Variants in ST6GALNAC3 observed in about 807,000 individuals in gnomAD.
ST6GALNAC3 encodes ST6 N-acetylgalactosaminide alpha-2,6-sialyltransferase 3.
A neutral mutation model predicts 32.7 loss-of-function variants in ST6GALNAC3; 25 were observed. The observed-to-expected ratio is 0.76, with a 90% CI of 0.56 to 1.07. ST6GALNAC3 has a LOEUF of 1.07. Ranked by LOEUF, ST6GALNAC3 falls within the 50% of genes least tolerant of loss-of-function variation. The pLI is 0.00. For synonymous variants in ST6GALNAC3, 129 were observed against 133.1 expected (o/e 0.97, Z 0.21); for missense variants, 355 against 382.4 (o/e 0.93, Z 0.60).
At chr1:76,579,244 A>G (rs767963751) in intron 3 of ST6GALNAC3, among the ~76,000 whole-genome samples, 60 of 152,192 alleles carry the variant, frequency 3.9e-4, no homozygotes, top group Non-Finnish European at 6.8e-4. Flanking sequence ...ACCTCTATGC[A>G]TCGATCACCA....
intron 3 of ST6GALNAC3, among the ~76,000 whole-genome samples, chr1:76,528,678 C>T (rs929095228): frequency 1.3e-5 from 2 of 151,710 alleles, no homozygotes; most frequent in Non-Finnish European, 2.9e-5. Context: ...GTACTGTTCT[C>T]TCTCCACATT....
chr1:76,555,994 T>G (rs1664897758), intron 3 of ST6GALNAC3, among the ~76,000 whole-genome samples: 1 of 152,032 alleles, frequency 6.6e-6, no homozygotes, highest in Non-Finnish European at 1.5e-5. Flanking sequence ...TTTTTATCAC[T>G]TCAAAAGGGA....
At chr1:76,246,686 T>G (rs1388460862) in intron 1 of ST6GALNAC3, among the ~76,000 whole-genome samples, 3 of 152,192 alleles carry the variant, frequency 2.0e-5, no homozygotes, top group Non-Finnish European at 4.4e-5. Context: ...AAACTGGTTA[T>G]TCTAGTTAAC....
Position 76,547,454 on chromosome 1 carries a change from A to G in ST6GALNAC3, c.624-79998A>G, listed in dbSNP as rs536331441. On this transcript the variant is annotated intron_variant, in intron 3 of 4. Coordinates refer to ENST00000328299, the MANE Select transcript of ST6GALNAC3 (RefSeq NM_152996.4). ...GTTGACTAGGCTCTGGTTAAATCCC[A>G]GTATTGCAATTTACTTTATGTCAAA... 4.6e-5 allele frequency among the ~76,000 whole-genome samples: 7 copies of G among 152,332 alleles called. No individual in the cohort carries two copies. The East Asian group carries it at 7.7e-4, about 17-fold the overall frequency.
chr1:76,554,417 A>T (rs1049854443), intron 3 of ST6GALNAC3, among the ~76,000 whole-genome samples: 1 of 152,206 alleles, frequency 6.6e-6, no homozygotes, highest in Non-Finnish European at 1.5e-5. Context: ...GCTTCAAAAA[A>T]AACCCCTCAA....
chr1:76,565,840 G>C (rs920510105), intron 3 of ST6GALNAC3, among the ~76,000 whole-genome samples: 1 of 152,150 alleles, frequency 6.6e-6, no homozygotes, highest in African/African-American at 2.4e-5. Context: ...AACAATGTAG[G>C]GGTGAGCACA....
intron 1 of ST6GALNAC3, among the ~76,000 whole-genome samples, chr1:76,103,748 C>T (rs2100782025): frequency 6.6e-6 from 1 of 152,264 alleles, no homozygotes; most frequent in African/African-American, 2.4e-5. Flanking sequence ...TTGTAGCTAT[C>T]TCTCTGTCCC....
At chr1:76,112,914 C>T (rs1195957688) in intron 1 of ST6GALNAC3, among the ~76,000 whole-genome samples, 3 of 152,070 alleles carry the variant, frequency 2.0e-5, no homozygotes, top group African/African-American at 7.2e-5. Context: ...GGCAGAGATG[C>T]TCCTCACTTC....
At chr1:76,608,597 ATGTGTGTGTGTGTGTG>A (rs60960904) in intron 3 of ST6GALNAC3, among the ~76,000 whole-genome samples, 15,297 of 135,228 alleles carry the variant, frequency 0.11, 958 homozygotes, top group African/African-American at 0.18. Flanking sequence ...TGAGCTGGAA[ATGTGTGTGTGTGTGTG>A]TGTGTGTGTG....
chr1:76,314,989 C>A (rs1468996546), intron 2 of ST6GALNAC3, among the ~76,000 whole-genome samples: 1 of 152,142 alleles, frequency 6.6e-6, no homozygotes, highest in East Asian at 1.9e-4. Context: ...TGTAGTCAAT[C>A]TCATATCTGA....
At chr1:76,149,593 A>G (rs1282248132) in intron 1 of ST6GALNAC3, among the ~76,000 whole-genome samples, 2 of 152,254 alleles carry the variant, frequency 1.3e-5, no homozygotes, top group Non-Finnish European at 2.9e-5. Flanking sequence ...ATCAGCTCAC[A>G]TAGCTGTCCC....
chr1:76,580,849 G>A (rs1646882389), intron 3 of ST6GALNAC3, among the ~76,000 whole-genome samples: 1 of 151,916 alleles, frequency 6.6e-6, no homozygotes, highest in Non-Finnish European at 1.5e-5. Context: ...ATTTGGGAGA[G>A]GGGCTTCAAT....
At chr1:76,212,103 G>A (rs552174378) in intron 1 of ST6GALNAC3, among the ~76,000 whole-genome samples, 10 of 152,128 alleles carry the variant, frequency 6.6e-5, no homozygotes, top group African/African-American at 1.7e-4. Flanking sequence ...CAAAAACAAC[G>A]TTTAATTTAT....
At chr1:76,161,748 C>T (rs113215987) in intron 1 of ST6GALNAC3, among the ~76,000 whole-genome samples, 136 of 152,314 alleles carry the variant, frequency 8.9e-4, no homozygotes, top group Non-Finnish European at 1.4e-3. Flanking sequence ...CAACAATGAG[C>T]TACGTAATTG....
At chr1:76,278,455 T>C (rs926047315) in intron 1 of ST6GALNAC3, among the ~76,000 whole-genome samples, 1 of 151,804 alleles carries the variant, frequency 6.6e-6, no homozygotes, top group Admixed American at 6.6e-5. Context: ...TCTCCTGACC[T>C]GGTGATCCGC....
chr1:76,577,955 G>A (rs974802355), intron 3 of ST6GALNAC3, among the ~76,000 whole-genome samples: 8 of 152,020 alleles, frequency 5.3e-5, no homozygotes, highest in Non-Finnish European at 8.8e-5. Context: ...AATGACAGAC[G>A]ATTCTTTTTG....
chr1:76,083,275 C>T (rs1296023400), intron 1 of ST6GALNAC3, among the ~76,000 whole-genome samples: 4 of 152,190 alleles, frequency 2.6e-5, no homozygotes, highest in Non-Finnish European at 5.9e-5. Flanking sequence ...TGAGTTGATC[C>T]CTCTATTTGG....
intron 3 of ST6GALNAC3, among the ~76,000 whole-genome samples, chr1:76,481,130 C>T (rs1056569745): frequency 2.6e-5 from 4 of 152,050 alleles, no homozygotes; most frequent in African/African-American, 9.7e-5. Flanking sequence ...TAACATTTGG[C>T]CATAGTGTCA....
At chr1:76,617,294 C>T (rs1648358269) in intron 3 of ST6GALNAC3, among the ~76,000 whole-genome samples, 1 of 152,040 alleles carries the variant, frequency 6.6e-6, no homozygotes, top group African/African-American at 2.4e-5. Flanking sequence ...TTCATTTCTC[C>T]TCTAAAAACT....
Sources: allele counts gnomAD v4.1 joint callset (sites outside exome capture counted in the v4.1 genomes callset), GRCh38; gene constraint gnomAD v4.1.1; transcripts MANE v1.5; gene names NCBI Gene and HGNC (gene_info 2026-07-23, HGNC 2026-07-21).